PAX3: variants seen among roughly 807,000 people sequenced by gnomAD.
PAX3 encodes the protein paired box 3.
A neutral mutation model predicts 51.6 loss-of-function variants in PAX3; 14 were observed. That is an observed-to-expected ratio of 0.27 (90% CI 0.18 to 0.42). The LOEUF (loss-of-function observed/expected upper bound fraction) is 0.42, where lower values mean the gene tolerates loss of function less well. PAX3 is among the 10% of genes least tolerant of loss of function. PAX3 has a pLI of 1.00. For missense variants in PAX3, 540 were observed against 642.8 expected, an observed-to-expected ratio of 0.84 and a Z score of 1.73; for synonymous variants, 280 against 253.4, an observed-to-expected ratio of 1.11 and a Z score of -1.00.
rs148698387 is a variant in PAX3 at position 222,278,710 on chromosome 2, G to A, written c.586+15457C>T. Among the ~76,000 whole-genome samples, 653 of 152,306 alleles carry A rather than the reference G, an allele frequency of 4.3e-3. 2 individuals are homozygous for A. The highest frequency in any genetic ancestry group is 6.3e-3 in the Non-Finnish European group (432 of 68,034). ...CCCACCAGCAAGGAGCTCCTTCATA[G>A]CAAAACTAATCCTGTCCTTTCACAG... is the stretch of plus-strand genomic sequence containing the variant. On this transcript the variant is annotated intron_variant, in intron 4 of 8. Transcript: ENST00000392070.
chr2:222,239,772 C>T (rs892903483), intron 4 of PAX3, among the ~76,000 whole-genome samples: 1 of 151,272 alleles, frequency 6.6e-6, no homozygotes, highest in Admixed American at 6.6e-5. Flanking sequence ...TTTTTATTCC[C>T]TCTATGATTT....
intron 4 of PAX3, among the ~76,000 whole-genome samples, chr2:222,241,144 T>C (rs1360795358): frequency 1.3e-5 from 2 of 152,116 alleles, no homozygotes; most frequent in East Asian, 1.9e-4. Context: ...TTTACTGGGA[T>C]TGGATTGCAA....
chr2:222,217,460 T>C (rs1692009008), intron 7 of PAX3, among the ~76,000 whole-genome samples: 1 of 152,150 alleles, frequency 6.6e-6, no homozygotes, highest in Non-Finnish European at 1.5e-5. Flanking sequence ...TCCTAGATTC[T>C]AGTCTTAATT....
intron 4 of PAX3, among the ~76,000 whole-genome samples, chr2:222,255,134 A>G (rs1693591231): frequency 6.6e-6 from 1 of 152,210 alleles, no homozygotes; most frequent in Non-Finnish European, 1.5e-5. Context: ...CAGCATTAAT[A>G]CAAACTGAGA....
At chr2:222,285,583 T>C (rs1256178130) in intron 4 of PAX3, among the ~76,000 whole-genome samples, 3 of 152,268 alleles carry the variant, frequency 2.0e-5, no homozygotes, top group African/African-American at 7.2e-5. Flanking sequence ...CAAATGTGTA[T>C]GTGACCGTAT....
chr2:222,295,519 G>T lies in PAX3; in HGVS notation c.451+9C>A, dbSNP rs750975027. Reference sequence around the variant, plus strand: ...TCGCGCCTCGGGGAGAGGTTAATGGGCCTAGTACCTGACGGCACGGTGTTT... The same window carrying T: ...TCGCGCCTCGGGGAGAGGTTAATGGTCCTAGTACCTGACGGCACGGTGTTT... On this transcript the variant is annotated intron_variant, in intron 3 of 8. Transcript: ENST00000392070. 6.2e-7 allele frequency: 1 copy of T among 1,614,162 alleles called. No individual in the cohort carries two copies. Among genetic ancestry groups the T allele is most frequent in the South Asian group, 1.1e-5 (1 of 91,088 alleles).
chr2:222,257,464 A>G (rs555372806), intron 4 of PAX3, among the ~76,000 whole-genome samples: 1 of 152,258 alleles, frequency 6.6e-6, no homozygotes, highest in Non-Finnish European at 1.5e-5. Context: ...TGCTCAAAAA[A>G]TAATTATTTG....
intron 4 of PAX3, chr2:222,264,158 G>A (rs983502623): frequency 2.6e-5 from 4 of 152,184 alleles, no homozygotes; most frequent in Non-Finnish European, 5.9e-5. Flanking sequence ...GTCCATCGTA[G>A]AAGAATGGAT....
At chr2:222,293,487 G>A (rs562471100) in intron 4 of PAX3, 195 of 714,568 alleles carry the variant, frequency 2.7e-4, no homozygotes, top group Admixed American at 7.7e-4. Context: ...ATGGGGATCT[G>A]TACCCCTAGA....
chr2:222,230,207 A>G (rs529531045), intron 5 of PAX3, among the ~76,000 whole-genome samples: 3 of 152,002 alleles, frequency 2.0e-5, no homozygotes, highest in Non-Finnish European at 4.4e-5. Flanking sequence ...TGCCTTCTTC[A>G]TGTACCTCTC....
chr2:222,268,517 G>A (rs1160988764), intron 4 of PAX3, among the ~76,000 whole-genome samples: 3 of 151,942 alleles, frequency 2.0e-5, no homozygotes, highest in East Asian at 1.9e-4. Context: ...CGGTTACCAC[G>A]GAGGGCTTTC....
At position 222,274,353 on chromosome 2, in the gene PAX3, T is replaced by G. The variant is rs45581235; in HGVS notation, c.586+19814A>C. ...TATAAATTTATATTTATATTAATATTAAAATCCCTCTGACCAACTATAAAA... is the reference window on the plus strand; with the variant it reads ...TATAAATTTATATTTATATTAATATGAAAATCCCTCTGACCAACTATAAAA... On this transcript the variant is annotated intron_variant, in intron 4 of 8. Coordinates refer to ENST00000392070, the MANE Select transcript of PAX3 (RefSeq NM_181458.4). Among the ~76,000 whole-genome samples the G allele has an allele frequency of 3.9e-5, 6 of 152,070 alleles. No individual in the cohort carries two copies. In the East Asian group the frequency reaches 1.2e-3, roughly 29 times the overall value.
intron 1 of PAX3, 83 bp downstream of exon 1, chr2:222,298,448 G>T: frequency 8.5e-7 from 1 of 1,172,176 alleles, no homozygotes; most frequent in African/African-American, 1.5e-5. Context: ...AAGCACCAAA[G>T]GAGCCTGCGG....
At chr2:222,221,550 AAG>A (rs1692192712) in intron 5 of PAX3, 163 bp from the exon 6 acceptor site, 1 of 693,770 alleles carries the variant, frequency 1.4e-6, no homozygotes, top group Non-Finnish European at 2.5e-6. Flanking sequence ...TCAGGAGTAA[AAG>A]AAGAGTTTAG....
chr2:222,220,709 T>C lies in PAX3; in HGVS notation c.959-355A>G, dbSNP rs45617334. ...TGCAAGTCTCAAATTTCTTATCAAATATACTTTTAAAGCACCTAAATATTT... is the reference window on the plus strand; with the variant it reads ...TGCAAGTCTCAAATTTCTTATCAAACATACTTTTAAAGCACCTAAATATTT... On this transcript the variant is annotated intron_variant, in intron 6 of 8. Transcript: ENST00000392070. 9.7e-3 allele frequency among the ~76,000 whole-genome samples: 1,485 copies of C among 152,314 alleles called. 21 individuals carry two copies. Among genetic ancestry groups the C allele is most frequent in the African/African-American group, 0.033 (1,392 of 41,564 alleles).
chr2:222,228,200 G>C (rs1158751447), intron 5 of PAX3, among the ~76,000 whole-genome samples: 4 of 152,114 alleles, frequency 2.6e-5, no homozygotes, highest in African/African-American at 9.7e-5. Context: ...AATTTGTTAG[G>C]CTATAGATCA....
At chr2:222,286,413 A>G (rs186417799) in intron 4 of PAX3, among the ~76,000 whole-genome samples, 2 of 152,356 alleles carry the variant, frequency 1.3e-5, no homozygotes, top group African/African-American at 4.8e-5. Flanking sequence ...AAGGAGCCAA[A>G]CACACAGCCA....
chr2:222,206,773 ATGTC>A (rs1691527185), intron 7 of PAX3, among the ~76,000 whole-genome samples: 1 of 152,184 alleles, frequency 6.6e-6, no homozygotes, highest in Admixed American at 6.6e-5. Flanking sequence ...TTAAAATGAT[ATGTC>A]TGGAAAATAT....
chr2:222,218,489 CAGG>C, intron 7 of PAX3, among the ~76,000 whole-genome samples: 1 of 152,256 alleles, frequency 6.6e-6, no homozygotes, highest in African/African-American at 2.4e-5. Flanking sequence ...GCAGCTAGGG[CAGG>C]AGTTTACTTT....
Sources: allele counts gnomAD v4.1 joint callset (sites outside exome capture counted in the v4.1 genomes callset), GRCh38; gene constraint gnomAD v4.1.1; transcripts MANE v1.5; gene names NCBI Gene and HGNC (gene_info 2026-07-23, HGNC 2026-07-21).